FMNL2: variants seen among roughly 807,000 people sequenced by gnomAD.
FMNL2 encodes formin like 2, also known as formin-like protein 2.
A neutral mutation model predicts 130.2 loss-of-function variants in FMNL2; 51 were observed. The ratio of observed to expected loss-of-function variants is 0.39; its 90% CI spans 0.31 to 0.49. FMNL2 has a LOEUF of 0.49. Ranked by LOEUF, FMNL2 falls within the 20% of genes least tolerant of loss-of-function variation. The pLI is 0.85. For synonymous variants in FMNL2, 465 were observed against 467.1 expected, an observed-to-expected ratio of 1.00 and a Z score of 0.06; for missense variants, 977 against 1,316.2, an observed-to-expected ratio of 0.74 and a Z score of 3.99.
At chr2:152,514,972 A>G (rs1307990715) in intron 1 of FMNL2, among the ~76,000 whole-genome samples, 5 of 152,178 alleles carry the variant, frequency 3.3e-5, no homozygotes, top group African/African-American at 1.2e-4. Flanking sequence ...GATGCTTATC[A>G]CTACCATGGT....
chr2:152,640,136 A>C (rs532450219), intron 24 of FMNL2, 80 bp downstream of exon 24: 2 of 1,281,332 alleles, frequency 1.6e-6, no homozygotes, highest in South Asian at 3.2e-5. Flanking sequence ...ACAAAGGACC[A>C]GCAAGCCAGG....
At chr2:152,511,455 A>G (rs923132514) in intron 1 of FMNL2, among the ~76,000 whole-genome samples, 5 of 152,248 alleles carry the variant, frequency 3.3e-5, no homozygotes, top group South Asian at 4.1e-4. Flanking sequence ...GCTGTTTGCA[A>G]ATGAGAAGCC....
intron 1 of FMNL2, among the ~76,000 whole-genome samples, chr2:152,521,594 G>A (rs1693088871): frequency 6.6e-6 from 1 of 152,000 alleles, no homozygotes; most frequent in African/African-American, 2.4e-5. Context: ...TGTGTCTGGT[G>A]GGGCTACAGT....
chr2:152,548,686 C>T (rs918289778), intron 3 of FMNL2, among the ~76,000 whole-genome samples: 1 of 152,082 alleles, frequency 6.6e-6, no homozygotes, highest in Non-Finnish European at 1.5e-5. Context: ...TATGCTGAGT[C>T]CTTTGAGTGC....
intron 4 of FMNL2, among the ~76,000 whole-genome samples, chr2:152,553,466 CA>C (rs1195518515): frequency 2.0e-5 from 3 of 151,518 alleles, no homozygotes; most frequent in Non-Finnish European, 2.9e-5. Context: ...CAATTCCACA[CA>C]AGTTAGAAGC....
chr2:152,597,923 T>TAGA (rs1209141363), intron 9 of FMNL2, among the ~76,000 whole-genome samples: 1 of 152,114 alleles, frequency 6.6e-6, no homozygotes, highest in Non-Finnish European at 1.5e-5. Context: ...AAGATGAAAG[T>TAGA]AGAAGGGTTG....
intron 1 of FMNL2, among the ~76,000 whole-genome samples, chr2:152,456,898 A>C (rs1292521053): frequency 6.6e-6 from 1 of 150,982 alleles, no homozygotes; most frequent in Non-Finnish European, 1.5e-5. Flanking sequence ...AGATTGCGCC[A>C]CTACACTCCA....
chr2:152,634,101 A>AT (rs1682379657), intron 21 of FMNL2, among the ~76,000 whole-genome samples: 1 of 152,214 alleles, frequency 6.6e-6, no homozygotes, highest in Non-Finnish European at 1.5e-5. Flanking sequence ...AGCAACTGTG[A>AT]TTTTGGACCG....
chr2:152,635,713 G>T (rs1363664370), intron 21 of FMNL2, among the ~76,000 whole-genome samples: 1 of 152,206 alleles, frequency 6.6e-6, no homozygotes, highest in African/African-American at 2.4e-5. Flanking sequence ...CTGTGGGGGA[G>T]TGCCTGCCCC....
chr2:152,636,794 C>G (rs1206922746), intron 22 of FMNL2, among the ~76,000 whole-genome samples: 1 of 152,154 alleles, frequency 6.6e-6, no homozygotes, highest in African/African-American at 2.4e-5. Flanking sequence ...CTTTTCTAAT[C>G]TGGGGCTCTT....
chr2:152,431,889 G>T (rs1687508661), intron 1 of FMNL2, among the ~76,000 whole-genome samples: 1 of 145,642 alleles, frequency 6.9e-6, no homozygotes, highest in South Asian at 2.2e-4. Context: ...GCTTGAGCCA[G>T]AGAGGTCAAG....
Position 152,558,727 on chromosome 2 carries a change from T to G in FMNL2, c.360-13T>G. ...AATTTCTCCAATGATTTTTTTTTTTTTTTCCCCAACAGATGGGTCAGAGAA... is the reference window on the plus strand; with the variant it reads ...AATTTCTCCAATGATTTTTTTTTTTGTTTCCCCAACAGATGGGTCAGAGAA... On this transcript the variant is annotated splice_polypyrimidine_tract_variant and intron_variant, in intron 4 of 25. Transcript: ENST00000288670. 2.5e-6 allele frequency: 4 copies of G among 1,595,814 alleles called. No homozygotes were observed. Among genetic ancestry groups the G allele is most frequent in the Non-Finnish European group, 3.4e-6 (4 of 1,174,742 alleles).
At chr2:152,500,496 C>T (rs1691754152) in intron 1 of FMNL2, among the ~76,000 whole-genome samples, 1 of 152,146 alleles carries the variant, frequency 6.6e-6, no homozygotes, top group South Asian at 2.1e-4. Flanking sequence ...CAACAGCTGT[C>T]AACCGCAGCA....
intron 1 of FMNL2, among the ~76,000 whole-genome samples, chr2:152,471,707 G>T (rs1689866633): frequency 6.6e-6 from 1 of 152,040 alleles, no homozygotes; most frequent in Non-Finnish European, 1.5e-5. Context: ...AGATGGCTTG[G>T]AGGCCTGTTA....
rs902530642 is a variant in FMNL2, at chr2:152,483,376, TA to T, written c.118-38556del. 7.9e-3 allele frequency among the ~76,000 whole-genome samples: 1,162 copies of T among 147,484 alleles called. 7 individuals are homozygous for T. Among genetic ancestry groups the T allele is most frequent in the African/African-American group, 0.024 (959 of 40,460 alleles). ...TCCATAACCAGAATTACAGACACAT[TA>T]AAAAAAAAAATAAAGTGACAGAAAT... On this transcript the variant is annotated intron_variant, in intron 1 of 25. Transcript: ENST00000288670.
chr2:152,573,860 A>T (rs973058304), intron 6 of FMNL2, among the ~76,000 whole-genome samples: 7 of 152,176 alleles, frequency 4.6e-5, no homozygotes, highest in Admixed American at 2.0e-4. Context: ...TAAAGTCTTT[A>T]AATGTTAATA....
At chr2:152,622,959 G>A (rs776296729) in intron 15 of FMNL2, among the ~76,000 whole-genome samples, 6 of 151,786 alleles carry the variant, frequency 4.0e-5, no homozygotes, top group East Asian at 3.9e-4. Flanking sequence ...GCACTCACCC[G>A]CCTTTAGCCC....
intron 1 of FMNL2, among the ~76,000 whole-genome samples, chr2:152,470,374 T>C (rs1338901657): frequency 2.6e-5 from 4 of 152,234 alleles, no homozygotes; most frequent in Non-Finnish European, 4.4e-5. Flanking sequence ...TATTATTGGT[T>C]GTCTTCTGAG....
At chr2:152,454,001 A>G (rs1688803159) in intron 1 of FMNL2, among the ~76,000 whole-genome samples, 1 of 152,252 alleles carries the variant, frequency 6.6e-6, no homozygotes, top group South Asian at 2.1e-4. Context: ...GGCTGGGCGC[A>G]GTAGCTCACG....
Sources: gnomAD v4.1 joint callset for allele counts (sites outside exome capture counted in the v4.1 genomes callset) on GRCh38, gnomAD v4.1.1 for gene constraint, MANE v1.5 for transcripts, NCBI Gene and HGNC (gene_info 2026-07-23, HGNC 2026-07-21) for gene names.